The following GRIN2D variants were observed in gnomAD, a reference collection of about 807,000 sequenced individuals.
GRIN2D encodes glutamate receptor ionotropic, NMDA 2D.
Under a neutral mutation model 103.2 loss-of-function variants are expected in GRIN2D, and 37 were observed. The observed-to-expected ratio is 0.36, with a 90% CI of 0.28 to 0.47. GRIN2D has a LOEUF of 0.47. Among genes scored for constraint, GRIN2D ranks in the 20% least tolerant of loss-of-function variants. The probability of loss-of-function intolerance (pLI) is 1.00; values close to 1 mark genes in which losing one functional copy is unlikely to be tolerated. For synonymous variants in GRIN2D, 845 were observed against 885.6 expected (o/e 0.95, Z 0.81); for missense variants, 1,557 against 1,910.6 (o/e 0.81, Z 3.45).
chr19:48,396,552 G>T (rs760054092), intron 2 of GRIN2D, among the ~76,000 whole-genome samples: 2 of 151,962 alleles, frequency 1.3e-5, no homozygotes, highest in Admixed American at 6.6e-5. Flanking sequence ...ATTTTGGGGC[G>T]GAGTGGGGGG....
intron 11 of GRIN2D, among the ~76,000 whole-genome samples, chr19:48,429,840 C>T (rs750439185): frequency 4.0e-5 from 6 of 151,278 alleles, no homozygotes; most frequent in African/African-American, 1.2e-4. Context: ...ATTACGGGCA[C>T]GAGCCACCGT....
rs1409347743 is a variant in GRIN2D, at chr19:48,442,912, G to T, written c.2986G>T (p.Ala996Ser). ...AGCCGGGCGCCCGCTGTCCCCGCCG[G>T]CCGCTCAGCCCCCGCAGAAGCCGCC... ...GAAGRPLSPP[A>S]AQPPQKPPPS... Residue 996 changes from alanine to serine, a missense_variant, in exon 14 of 14, where the codon GCC becomes TCC. This residue lies in a region of GRIN2D where 632 missense variants were observed against 572.8 expected (regional missense o/e 1.10). Transcript: ENST00000263269. The surrounding 1 kb of genome is among the most constrained non-coding windows in gnomAD (Gnocchi z 7.2). The T allele has an allele frequency of 2.6e-5, 29 of 1,107,166 alleles. No homozygotes were observed. The highest frequency in any genetic ancestry group is 3.0e-5 in the Non-Finnish European group (27 of 908,714). 68.6% of individuals were successfully genotyped at this position (1,107,166 alleles called of 1,614,324 possible).
At chr19:48,402,158 A>AAGAG (rs1970722662) in intron 3 of GRIN2D, among the ~76,000 whole-genome samples, 3 of 68,224 alleles carry the variant, frequency 4.4e-5, no homozygotes, top group South Asian at 4.7e-4. Flanking sequence ...GAAAGAAAGA[A>AAGAG]AGAAAGAAAG....
chr19:48,425,913 G>T (rs1425929056), intron 11 of GRIN2D, among the ~76,000 whole-genome samples: 3 of 151,974 alleles, frequency 2.0e-5, no homozygotes, highest in African/African-American at 7.3e-5. Context: ...GAATTTCCCG[G>T]CTTCTCATAA....
Position 48,414,549 on chromosome 19 carries a change from C to T in GRIN2D, c.1377C>T (p.Ser459=), listed in dbSNP as rs1269757692. The part of the protein sequence containing the change: ...DPISGTCIRD[S]VPCRSQLNRT... ...TCAGCGGCACCTGCATCCGAGACTC[C>T]GTCCCCTGCCGGAGCCAGCTCAACC... is the stretch of plus-strand genomic sequence containing the variant. Residue 459 remains serine (S), a synonymous_variant, in exon 6 of 14, where the codon TCC becomes TCT. Coordinates refer to ENST00000263269, the MANE Select transcript of GRIN2D (RefSeq NM_000836.4). The surrounding 1 kb of genome is among the most constrained non-coding windows in gnomAD (Gnocchi z 4.6). 2 of 1,553,638 alleles carry T rather than the reference C, an allele frequency of 1.3e-6. No homozygotes were observed. Among genetic ancestry groups the T allele is most frequent in the East Asian group, 4.9e-5 (2 of 41,180 alleles).
chr19:48,405,318 C>A lies in GRIN2D; in HGVS notation c.1050C>A (p.Ala350=). ...FLPELGHDCR[A]QNRTHRGESL... ...CTGAGCTCGGCCACGACTGTCGCGCCCAGAACCGCACCCACCGCGGCGAGA... is the reference window on the plus strand; with the variant it reads ...CTGAGCTCGGCCACGACTGTCGCGCACAGAACCGCACCCACCGCGGCGAGA... Residue 350 remains alanine, a synonymous_variant, in exon 4 of 14, where the codon GCC becomes GCA. Coordinates refer to ENST00000263269, the MANE Select transcript of GRIN2D (RefSeq NM_000836.4). This position sits in a 1 kb window ranked among gnomAD's most constrained non-coding sequence, Gnocchi z 5.1. 6.2e-7 allele frequency: 1 copy of A among 1,601,290 alleles called. No individual in the cohort carries two copies.
intron 4 of GRIN2D, among the ~76,000 whole-genome samples, chr19:48,407,849 G>A (rs1970810194): frequency 6.6e-6 from 1 of 152,210 alleles, no homozygotes; most frequent in African/African-American, 2.4e-5. Flanking sequence ...ATGCTAGGTG[G>A]GGTGGTCAGG....
chr19:48,437,736 A>G (rs1971247790), intron 11 of GRIN2D, among the ~76,000 whole-genome samples: 1 of 152,094 alleles, frequency 6.6e-6, no homozygotes, highest in African/African-American at 2.4e-5. Flanking sequence ...TTAAACATCA[A>G]TAGCACTTCA....
chr19:48,425,886 C>G (rs1971079788), intron 11 of GRIN2D, among the ~76,000 whole-genome samples: 1 of 152,068 alleles, frequency 6.6e-6, no homozygotes, highest in South Asian at 2.1e-4. Context: ...GTGACCAGGT[C>G]CAGATTAAGG....
In GRIN2D at chr19:48,410,300, C is replaced by T. The variant is rs562101818; in HGVS notation, c.1086-3691C>T. Among the ~76,000 whole-genome samples the T allele has an allele frequency of 1.5e-4, 22 of 150,556 alleles. No homozygotes were observed. In the East Asian group the frequency reaches 1.6e-3, roughly 11 times the overall value. ...ATCCCAGCACTTTGGGAGGCCGAGG[C>T]GGGCGGATCACGAGGTCAAGAGATT... On this transcript the variant is annotated intron_variant, in intron 4 of 13. Coordinates refer to ENST00000263269, the MANE Select transcript of GRIN2D (RefSeq NM_000836.4).
At chr19:48,396,461 G>A (rs1970641866) in intron 2 of GRIN2D, among the ~76,000 whole-genome samples, 1 of 152,062 alleles carries the variant, frequency 6.6e-6, no homozygotes, top group South Asian at 2.1e-4. Flanking sequence ...GGCAGAGGAG[G>A]GGCTGGAGGG....
rs1234271201 is a variant in GRIN2D at position 48,393,736 on chromosome 19, AGCCGCG to A, written c.-432_-427del. On this transcript the variant is annotated 5_prime_UTR_variant, in exon 1 of 14. Transcript: ENST00000263269. The surrounding 1 kb of genome is among the most constrained non-coding windows in gnomAD (Gnocchi z 5.6). ...AGTCCCTCCCGCTCCAGCTCCTCCA[AGCCGCG>A]GCCGCCGCCGCCACCCTCGCCCGCA... 6.6e-6 allele frequency among the ~76,000 whole-genome samples: 1 copy of A among 151,784 alleles called. No individual in the cohort carries two copies. Among genetic ancestry groups the A allele is most frequent in the Non-Finnish European group, 1.5e-5 (1 of 67,914 alleles).
intron 11 of GRIN2D, among the ~76,000 whole-genome samples, chr19:48,428,605 C>T (rs547938948): frequency 8.6e-5 from 13 of 151,986 alleles, no homozygotes; most frequent in Non-Finnish European, 1.3e-4. Flanking sequence ...TCAGGTGATC[C>T]GCCTGCCACG....
At position 48,442,986 on chromosome 19, in the gene GRIN2D, C is replaced by A. The variant is rs1047632249; in HGVS notation, c.3060C>A (p.Pro1020=). ...GCGACAAGGAGCCAGCCGAGCCCCC[C>A]GCCGGCGCCTTCCCCGGCTTCCCGT... ...IVRDKEPAEP[P]AGAFPGFPSP... Residue 1020 remains proline, a synonymous_variant, in exon 14 of 14, where the codon CCC becomes CCA. Transcript: ENST00000263269. The surrounding 1 kb of genome is among the most constrained non-coding windows in gnomAD (Gnocchi z 7.2). 12 of 1,109,132 alleles carry A rather than the reference C, an allele frequency of 1.1e-5. No individual in the cohort carries two copies. In the African/African-American group the frequency reaches 1.9e-4, roughly 17 times the overall value. 68.7% of individuals were successfully genotyped at this position (1,109,132 alleles called of 1,614,324 possible). A position where few individuals can be genotyped will look rare whatever the true frequency, so the allele number is the denominator to read the frequency against.
chr19:48,406,685 G>A (rs187571621), intron 4 of GRIN2D, among the ~76,000 whole-genome samples: 3 of 152,284 alleles, frequency 2.0e-5, no homozygotes, highest in Non-Finnish European at 2.9e-5. Context: ...AAGAACGCAG[G>A]GTCCTGTAAG....
chr19:48,430,169 T>A (rs560683892), intron 11 of GRIN2D, among the ~76,000 whole-genome samples: 1 of 152,176 alleles, frequency 6.6e-6, no homozygotes, highest in Non-Finnish European at 1.5e-5. Context: ...TAAACCGTGA[T>A]TACTTTCCTC....
chr19:48,442,045 C>T lies in GRIN2D; in HGVS notation c.2440+89C>T. The T allele has an allele frequency of 6.7e-7, 1 of 1,497,826 alleles. No individual in the cohort carries two copies. The highest frequency in any genetic ancestry group is 9.2e-7 in the Non-Finnish European group (1 of 1,092,578). 92.8% of individuals were successfully genotyped at this position (1,497,826 alleles called of 1,614,324 possible). ...GAAGAAAGGGACAAAGACCCGGACACCAGGGTCTGAGGGAGGAAGGGGCTA... is the reference window on the plus strand; with the variant it reads ...GAAGAAAGGGACAAAGACCCGGACATCAGGGTCTGAGGGAGGAAGGGGCTA... On this transcript the variant is annotated intron_variant, in intron 12 of 13. Coordinates refer to ENST00000263269, the MANE Select transcript of GRIN2D (RefSeq NM_000836.4). This position sits in a 1 kb window ranked among gnomAD's most constrained non-coding sequence, Gnocchi z 7.2.
At chr19:48,433,087 T>C (rs1971178760) in intron 11 of GRIN2D, among the ~76,000 whole-genome samples, 1 of 136,522 alleles carries the variant, frequency 7.3e-6, no homozygotes, top group African/African-American at 2.7e-5. Flanking sequence ...CCACCTGCAA[T>C]ACAGGTGCAA....
intron 4 of GRIN2D, among the ~76,000 whole-genome samples, chr19:48,407,290 T>G (rs1235381090): frequency 2.6e-5 from 4 of 152,014 alleles, no homozygotes; most frequent in Admixed American, 2.6e-4. Flanking sequence ...TCTTTCTTAT[T>G]CTATGCTTTC....
Sources: gnomAD v4.1 joint callset for allele counts (sites outside exome capture counted in the v4.1 genomes callset) on GRCh38, gnomAD v4.1.1 for gene constraint, gnomAD v4.1.1 regional missense constraint, Gnocchi (gnomAD v3.1) non-coding constraint, MANE v1.5 for transcripts, NCBI Gene and HGNC (gene_info 2026-07-23, HGNC 2026-07-21) for gene names.